CEP112: variants seen among roughly 807,000 people sequenced by gnomAD.
The protein encoded by CEP112 is centrosomal protein 112, also known as centrosomal protein of 112 kDa.
Under a neutral mutation model 153.0 loss-of-function variants are expected in CEP112, and 127 were observed. The observed-to-expected ratio is 0.83, with a 90% CI of 0.72 to 0.96. CEP112 has a LOEUF of 0.96. Ranked by LOEUF, CEP112 falls within the 40% of genes least tolerant of loss-of-function variation. The probability of loss-of-function intolerance (pLI) is 0.00; values close to 1 mark genes in which losing one functional copy is unlikely to be tolerated. For synonymous variants in CEP112, 358 were observed against 374.4 expected, an observed-to-expected ratio of 0.96 and a Z score of 0.51; for missense variants, 1,089 against 1,101.2, an observed-to-expected ratio of 0.99 and a Z score of 0.16.
chr17:66,100,857 T>G (rs926939988), intron 6 of CEP112, among the ~76,000 whole-genome samples: 17 of 152,192 alleles, frequency 1.1e-4, no homozygotes, highest in Admixed American at 6.5e-5. Context: ...TATTTCCATA[T>G]CATTTATATT....
intron 20 of CEP112, among the ~76,000 whole-genome samples, chr17:65,888,795 G>A (rs898290434): frequency 1.3e-5 from 2 of 152,126 alleles, no homozygotes; most frequent in Non-Finnish European, 2.9e-5. Context: ...GAGTGACTCA[G>A]TCTAGGAATC....
intron 24 of CEP112, among the ~76,000 whole-genome samples, chr17:65,650,730 T>TAAAAAAAA (rs71361240): frequency 9.0e-5 from 4 of 44,236 alleles, no homozygotes; most frequent in Non-Finnish European, 1.6e-4. Context: ...AACTCTCTAC[T>TAAAAAAAA]AAAAAAAAAA....
At chr17:66,185,330 C>A (rs1435053610) in intron 1 of CEP112, among the ~76,000 whole-genome samples, 1 of 152,174 alleles carries the variant, frequency 6.6e-6, no homozygotes, top group East Asian at 1.9e-4. Context: ...TCAAGTGATT[C>A]TCCTGCCTCA....
chr17:65,927,376 AAAAC>A lies in CEP112; in HGVS notation c.1980+202_1980+205del, dbSNP rs1438130432. Among the ~76,000 whole-genome samples the A allele has an allele frequency of 1.3e-4, 20 of 152,362 alleles. No individual in the cohort carries two copies. In the South Asian group the frequency reaches 1.7e-3, roughly 13 times the overall value. On this transcript the variant is annotated intron_variant, in intron 19 of 26. Transcript: ENST00000535342. ...CGATGTTTCAATCAAACATTCAGAT[AAAAC>A]AAACAGTCAGAATAAACTTCAGTGG...
chr17:65,988,952 T>C (rs1221611082), intron 17 of CEP112, among the ~76,000 whole-genome samples: 2 of 151,846 alleles, frequency 1.3e-5, no homozygotes, highest in African/African-American at 4.8e-5. Flanking sequence ...GGGCCAGACG[T>C]GGTGGCTCAC....
At chr17:65,823,037 C>T (rs188386309) in intron 21 of CEP112, among the ~76,000 whole-genome samples, 9 of 152,060 alleles carry the variant, frequency 5.9e-5, no homozygotes, top group African/African-American at 1.9e-4. Context: ...ACTATAAATG[C>T]TGATGAAAGA....
At chr17:66,067,016 AACACACAC>A (rs60964018) in intron 9 of CEP112, 139 bp from the exon 10 acceptor site, 22,471 of 261,442 alleles carry the variant, frequency 0.086, 676 homozygotes, top group African/African-American at 0.14. Context: ...TGAAATTATA[AACACACAC>A]ACACACACAC....
intron 23 of CEP112, among the ~76,000 whole-genome samples, chr17:65,694,309 A>C (rs1252215866): frequency 2.0e-5 from 3 of 152,232 alleles, no homozygotes; most frequent in Non-Finnish European, 4.4e-5. Flanking sequence ...TTAGGATGAC[A>C]TATTACGGAA....
At chr17:65,898,731 A>G (rs1010744300) in intron 20 of CEP112, among the ~76,000 whole-genome samples, 24 of 152,236 alleles carry the variant, frequency 1.6e-4, no homozygotes, top group Middle Eastern at 3.4e-3. Context: ...TTTAATTTGC[A>G]TGATACTGAT....
chr17:66,138,564 A>G (rs1477352620), intron 4 of CEP112, among the ~76,000 whole-genome samples: 6 of 152,234 alleles, frequency 3.9e-5, no homozygotes, highest in Non-Finnish European at 8.8e-5. Flanking sequence ...CGGGACATTA[A>G]TAACAAAGTG....
chr17:66,046,050 CT>C (rs1032586436), intron 12 of CEP112, among the ~76,000 whole-genome samples: 7 of 147,740 alleles, frequency 4.7e-5, no homozygotes, highest in Admixed American at 6.8e-5. Context: ...TTTTCTTTTT[CT>C]TTTTTTTTTG....
At chr17:65,917,708 G>A (rs1028644933) in intron 19 of CEP112, among the ~76,000 whole-genome samples, 4 of 151,854 alleles carry the variant, frequency 2.6e-5, no homozygotes, top group Admixed American at 2.6e-4. Context: ...CTTTTCTCAC[G>A]AGGCACAGGA....
intron 21 of CEP112, among the ~76,000 whole-genome samples, chr17:65,850,908 T>G (rs2057908200): frequency 6.6e-6 from 1 of 152,208 alleles, no homozygotes; most frequent in African/African-American, 2.4e-5. Context: ...AGCTATGCTA[T>G]CAAGGGCCAA....
chr17:66,134,379 T>C lies in CEP112; in HGVS notation c.471-1616A>G, dbSNP rs78848172. Among the ~76,000 whole-genome samples, 1,170 of 152,282 alleles carry C rather than the reference T, an allele frequency of 7.7e-3. 14 individuals are homozygous for C. The highest frequency in any genetic ancestry group is 0.026 in the African/African-American group (1,101 of 41,562). On this transcript the variant is annotated intron_variant, in intron 4 of 26. Transcript: ENST00000535342. ...CTCTAACTTGTCATATATTTTTCAA[T>C]CAACTACAGTATGACTTGCATTCAT...
intron 6 of CEP112, among the ~76,000 whole-genome samples, chr17:66,100,951 A>T (rs1384268112): frequency 1.3e-5 from 2 of 152,160 alleles, no homozygotes; most frequent in Admixed American, 6.5e-5. Context: ...TCTAAGGAAC[A>T]TCAGCATTTG....
At chr17:66,010,704 T>A (rs1234864368) in intron 16 of CEP112, among the ~76,000 whole-genome samples, 1 of 152,242 alleles carries the variant, frequency 6.6e-6, no homozygotes, top group East Asian at 1.9e-4. Context: ...TTTCTGCAGC[T>A]ATTGAGATGA....
chr17:65,706,305 T>A (rs992553189), intron 23 of CEP112, among the ~76,000 whole-genome samples: 8 of 152,130 alleles, frequency 5.3e-5, no homozygotes, highest in African/African-American at 1.7e-4. Flanking sequence ...AGAAGTTGCA[T>A]TTGCAAAAGT....
intron 23 of CEP112, among the ~76,000 whole-genome samples, chr17:65,713,656 A>G (rs1052249652): frequency 1.3e-5 from 2 of 152,004 alleles, no homozygotes; most frequent in Non-Finnish European, 2.9e-5. Context: ...GCACGATCTC[A>G]GCTCACTGCA....
chr17:66,097,833 G>A (rs149741629), intron 6 of CEP112, among the ~76,000 whole-genome samples: 1,938 of 152,126 alleles, frequency 0.013, 18 homozygotes, highest in Middle Eastern at 0.024. Flanking sequence ...AATCTCTACC[G>A]TGAAAGTCTA....
Sources: allele counts gnomAD v4.1 joint callset (sites outside exome capture counted in the v4.1 genomes callset), GRCh38; gene constraint gnomAD v4.1.1; transcripts MANE v1.5; gene names NCBI Gene and HGNC (gene_info 2026-07-23, HGNC 2026-07-21).